CNTNAP2: variants seen among roughly 807,000 people sequenced by gnomAD.
CNTNAP2 encodes contactin-associated protein-like 2.
CNTNAP2 carries 98 observed loss-of-function variants against 155.2 expected under a neutral mutation model. That is an observed-to-expected ratio of 0.63 (90% CI 0.54 to 0.75). CNTNAP2 has a LOEUF of 0.75. CNTNAP2 is among the 30% of genes least tolerant of loss of function. The probability of loss-of-function intolerance (pLI) is 0.00; values close to 1 mark genes in which losing one functional copy is unlikely to be tolerated. For synonymous variants in CNTNAP2, 651 were observed against 631.2 expected (o/e 1.03, Z -0.47); for missense variants, 1,727 against 1,688.1 (o/e 1.02, Z -0.40).
At chr7:147,705,930 T>A (rs1027051233) in intron 13 of CNTNAP2, among the ~76,000 whole-genome samples, 1 of 152,148 alleles carries the variant, frequency 6.6e-6, no homozygotes, top group African/African-American at 2.4e-5. Context: ...GCTTTCAGTC[T>A]GTGTCTTTAT....
At chr7:146,483,805 G>GT (rs1455413780) in intron 1 of CNTNAP2, among the ~76,000 whole-genome samples, 1 of 152,050 alleles carries the variant, frequency 6.6e-6, no homozygotes, top group Non-Finnish European at 1.5e-5. Context: ...GAGTCTGAAA[G>GT]TTAAAGAATT....
chr7:146,150,431 C>T (rs1423944892), intron 1 of CNTNAP2, among the ~76,000 whole-genome samples: 1 of 152,058 alleles, frequency 6.6e-6, no homozygotes. Flanking sequence ...AACATGTTTA[C>T]AACAGGACTT....
chr7:147,544,818 GGT>G (rs1168253246), intron 11 of CNTNAP2, among the ~76,000 whole-genome samples: 2 of 152,044 alleles, frequency 1.3e-5, no homozygotes, highest in East Asian at 3.9e-4. Flanking sequence ...TTTTATAAGG[GGT>G]GTCCGGTTTT....
At chr7:148,105,870 T>C (rs944700838) in intron 15 of CNTNAP2, among the ~76,000 whole-genome samples, 1 of 152,152 alleles carries the variant, frequency 6.6e-6, no homozygotes, top group African/African-American at 2.4e-5. Context: ...TACAGGCATG[T>C]GCCACCATGC....
chr7:148,408,254 T>C (rs10241620), intron 22 of CNTNAP2, among the ~76,000 whole-genome samples: 87,334 of 151,806 alleles, frequency 0.58, 25,820 homozygotes, highest in African/African-American at 0.66. Flanking sequence ...TTCCCCACAC[T>C]GCCCCCGCCC....
intron 8 of CNTNAP2, among the ~76,000 whole-genome samples, chr7:147,194,026 A>G (rs151132703): frequency 1.3e-5 from 2 of 151,818 alleles, no homozygotes; most frequent in Non-Finnish European, 2.9e-5. Context: ...ATAGTTATAC[A>G]TGTGCCACGG....
intron 12 of CNTNAP2, among the ~76,000 whole-genome samples, chr7:147,608,623 T>C (rs1801120391): frequency 6.6e-6 from 1 of 152,134 alleles, no homozygotes. Context: ...TTCAAATGGA[T>C]GTTTTATAGG....
chr7:146,221,488 A>G (rs1463110096), intron 1 of CNTNAP2, among the ~76,000 whole-genome samples: 4 of 152,192 alleles, frequency 2.6e-5, no homozygotes, highest in African/African-American at 4.8e-5. Context: ...TCTTAAACCA[A>G]TCTGGAGATA....
chr7:146,629,866 T>C (rs1799481986), intron 1 of CNTNAP2, among the ~76,000 whole-genome samples: 1 of 151,986 alleles, frequency 6.6e-6, no homozygotes, highest in Non-Finnish European at 1.5e-5. Flanking sequence ...TGATGATGAG[T>C]TCATTAGGGA....
chr7:147,561,987 T>C, intron 11 of CNTNAP2, 151 bp from the exon 12 acceptor site: 2 of 1,021,316 alleles, frequency 2.0e-6, no homozygotes, highest in South Asian at 2.8e-5. Context: ...AAACAAATCA[T>C]GAATTTAAAT....
At chr7:148,213,751 C>T (rs1795588904) in intron 18 of CNTNAP2, among the ~76,000 whole-genome samples, 1 of 151,954 alleles carries the variant, frequency 6.6e-6, no homozygotes, top group Non-Finnish European at 1.5e-5. Context: ...GACTCCTCCT[C>T]CCTCCCCTGT....
At chr7:147,149,631 T>C (rs916995662) in intron 8 of CNTNAP2, among the ~76,000 whole-genome samples, 26 of 152,068 alleles carry the variant, frequency 1.7e-4, no homozygotes, top group African/African-American at 5.8e-4. Flanking sequence ...CTATCTACTA[T>C]GTGGATAGTG....
intron 8 of CNTNAP2, among the ~76,000 whole-genome samples, chr7:147,299,060 G>A (rs748629211): frequency 2.0e-5 from 3 of 152,038 alleles, no homozygotes; most frequent in African/African-American, 7.2e-5. Context: ...ACTGAAGCAC[G>A]TCCTCATGTA....
chr7:146,416,488 C>A (rs892345579), intron 1 of CNTNAP2, among the ~76,000 whole-genome samples: 3 of 152,050 alleles, frequency 2.0e-5, no homozygotes, highest in African/African-American at 7.2e-5. Context: ...AGCTCCCAGG[C>A]CCAAGCAATC....
intron 9 of CNTNAP2, among the ~76,000 whole-genome samples, chr7:147,308,675 T>C (rs1795073554): frequency 6.6e-6 from 1 of 152,186 alleles, no homozygotes; most frequent in African/African-American, 2.4e-5. Context: ...CTATACATCC[T>C]AAAACTAAGG....
At chr7:146,817,768 A>G (rs908918981) in intron 2 of CNTNAP2, among the ~76,000 whole-genome samples, 80 of 152,138 alleles carry the variant, frequency 5.3e-4, no homozygotes, top group African/African-American at 1.9e-3. Flanking sequence ...TAAACCATTA[A>G]TGAAAAACCA....
intron 12 of CNTNAP2, among the ~76,000 whole-genome samples, chr7:147,628,503 C>A (rs1257071539): frequency 6.6e-6 from 1 of 151,998 alleles, no homozygotes; most frequent in Admixed American, 6.6e-5. Flanking sequence ...TGAAACACAC[C>A]AAAATAGAAC....
At chr7:146,544,956 A>T (rs528040694) in intron 1 of CNTNAP2, among the ~76,000 whole-genome samples, 1 of 151,922 alleles carries the variant, frequency 6.6e-6, no homozygotes, top group African/African-American at 2.4e-5. Context: ...AGTGTCTGAA[A>T]CTTAGGCCTG....
chr7:146,752,640 A>G (rs1232137546), intron 1 of CNTNAP2, among the ~76,000 whole-genome samples: 1 of 152,132 alleles, frequency 6.6e-6, no homozygotes, highest in Non-Finnish European at 1.5e-5. Context: ...CTATTTATCA[A>G]TTTTGGCTTT....
Sources: allele counts gnomAD v4.1 joint callset (sites outside exome capture counted in the v4.1 genomes callset), GRCh38; gene constraint gnomAD v4.1.1; transcripts MANE v1.5; gene names NCBI Gene and HGNC (gene_info 2026-07-23, HGNC 2026-07-21).